CDH10: variants seen among roughly 807,000 people sequenced by gnomAD.
The protein encoded by CDH10 is cadherin 10, also known as cadherin-10.
A neutral mutation model predicts 73.1 loss-of-function variants in CDH10; 30 were observed. That is an observed-to-expected ratio of 0.41 (90% CI 0.31 to 0.56). The LOEUF (loss-of-function observed/expected upper bound fraction) is 0.56. Ranked by LOEUF, CDH10 falls within the 20% of genes least tolerant of loss-of-function variation. The pLI is 0.27. For missense variants in CDH10, 815 were observed against 973.7 expected (o/e 0.84, Z 2.17); for synonymous variants, 345 against 348.2 (o/e 0.99, Z 0.10).
At chr5:24,539,023 T>C (rs1453274527) in intron 2 of CDH10, among the ~76,000 whole-genome samples, 4 of 152,082 alleles carry the variant, frequency 2.6e-5, no homozygotes, top group Non-Finnish European at 1.5e-5. Flanking sequence ...GAAATATTTT[T>C]AAAACTGTAG....
chr5:24,495,551 T>TA (rs1034751085), intron 9 of CDH10, among the ~76,000 whole-genome samples: 4 of 152,120 alleles, frequency 2.6e-5, no homozygotes, highest in Non-Finnish European at 5.9e-5. Flanking sequence ...TTTGTGCTAG[T>TA]AAAATGCACC....
intron 1 of CDH10, among the ~76,000 whole-genome samples, chr5:24,636,366 G>C (rs994999571): frequency 6.6e-6 from 1 of 151,948 alleles, no homozygotes; most frequent in East Asian, 1.9e-4. Context: ...GAGCACTTAC[G>C]TTAGGTTGAT....
intron 7 of CDH10, among the ~76,000 whole-genome samples, chr5:24,506,107 T>C (rs1020962365): frequency 7.4e-6 from 1 of 135,072 alleles, no homozygotes. Flanking sequence ...ACAGCAAGAC[T>C]CCGTCAAAAA....
intron 8 of CDH10, among the ~76,000 whole-genome samples, chr5:24,500,729 C>T (rs907836525): frequency 4.6e-5 from 7 of 152,316 alleles, no homozygotes; most frequent in South Asian, 4.1e-4. Flanking sequence ...GATCAGGACT[C>T]AATATGCGTT....
chr5:24,491,599 A>G lies in CDH10; in HGVS notation c.1853T>C (p.Leu618Pro). Residue 618 changes from leucine (L) to proline (P), a missense_variant, in exon 11 of 12, where the codon CTC becomes CCC. Physicochemically the swap from Leu to Pro is moderately conservative, Grantham distance 98. This residue lies in a region of CDH10 where 241 missense variants were observed against 240.3 expected (regional missense o/e 1.00). Transcript: ENST00000264463. ...ACCCAGTAGAATGATGATGCAGAGGAGGATGGCGATCAAGGCCCCAGTGCT... is the reference window on the plus strand; with the variant it reads ...ACCCAGTAGAATGATGATGCAGAGGGGGATGGCGATCAAGGCCCCAGTGCT... ...GLSTGALIAI[L>P]LCIIILLVIV... The G allele has an allele frequency of 1.9e-6, 3 of 1,613,634 alleles. No individual in the cohort carries two copies. Among genetic ancestry groups the G allele is most frequent in the Non-Finnish European group, 2.5e-6 (3 of 1,179,710 alleles).
At chr5:24,628,223 T>C (rs1349489344) in intron 1 of CDH10, among the ~76,000 whole-genome samples, 2 of 152,224 alleles carry the variant, frequency 1.3e-5, no homozygotes, top group East Asian at 3.9e-4. Flanking sequence ...TCAGTAGTTT[T>C]AGCGGCTACA....
intron 2 of CDH10, among the ~76,000 whole-genome samples, chr5:24,579,341 A>AT (rs1579836030): frequency 1.2e-5 from 1 of 86,836 alleles, no homozygotes; most frequent in Non-Finnish European, 3.3e-5. Flanking sequence ...AGGAAAACAA[A>AT]AATATATATA....
At chr5:24,567,645 G>A (rs989400934) in intron 2 of CDH10, among the ~76,000 whole-genome samples, 2 of 151,942 alleles carry the variant, frequency 1.3e-5, no homozygotes, top group African/African-American at 4.8e-5. Flanking sequence ...ATTGAAATAG[G>A]AAATGGACTG....
intron 2 of CDH10, among the ~76,000 whole-genome samples, chr5:24,568,842 T>C (rs1745257704): frequency 6.6e-6 from 1 of 152,104 alleles, no homozygotes; most frequent in Non-Finnish European, 1.5e-5. Context: ...CCAGGAGCGG[T>C]GGTTCACACT....
intron 2 of CDH10, among the ~76,000 whole-genome samples, chr5:24,540,800 G>A (rs942747864): frequency 2.0e-5 from 3 of 151,820 alleles, no homozygotes; most frequent in African/African-American, 7.2e-5. Flanking sequence ...AGGGCAAAAA[G>A]GACTGTATTT....
At chr5:24,588,147 T>C (rs1023702318) in intron 2 of CDH10, among the ~76,000 whole-genome samples, 1 of 152,214 alleles carries the variant, frequency 6.6e-6, no homozygotes, top group Non-Finnish European at 1.5e-5. Context: ...GGAAGATATT[T>C]ATAATCATTT....
chr5:24,637,700 A>C (rs1354118042), intron 1 of CDH10, among the ~76,000 whole-genome samples: 1 of 151,958 alleles, frequency 6.6e-6, no homozygotes, highest in Non-Finnish European at 1.5e-5. Flanking sequence ...GCTGCAAAAT[A>C]AAAAGTATAA....
intron 2 of CDH10, among the ~76,000 whole-genome samples, chr5:24,563,728 C>G (rs1306358348): frequency 6.9e-6 from 1 of 145,166 alleles, no homozygotes; most frequent in East Asian, 2.0e-4. Flanking sequence ...CGAGATCCTG[C>G]ACTGCACTCC....
chr5:24,559,894 T>C (rs142129247), intron 2 of CDH10, among the ~76,000 whole-genome samples: 287 of 152,284 alleles, frequency 1.9e-3, no homozygotes, highest in Middle Eastern at 0.01. Context: ...GGTTGCTATA[T>C]GGCTTTTGGC....
intron 8 of CDH10, chr5:24,499,328 C>T (rs189664942): frequency 3.9e-5 from 6 of 152,582 alleles, no homozygotes; most frequent in African/African-American, 1.4e-4. Flanking sequence ...AAATAGCATA[C>T]TAATCATACC....
intron 1 of CDH10, among the ~76,000 whole-genome samples, chr5:24,606,472 A>G (rs998579804): frequency 6.6e-5 from 10 of 152,148 alleles, no homozygotes; most frequent in Middle Eastern, 3.4e-3. Context: ...TTAGCCAGGC[A>G]TGGTGGCATG....
At chr5:24,616,175 G>T (rs114445247) in intron 1 of CDH10, among the ~76,000 whole-genome samples, 1,649 of 151,780 alleles carry the variant, frequency 0.011, 31 homozygotes, top group African/African-American at 0.038. Flanking sequence ...TTAGGAAGAG[G>T]TATCTAGCCT....
At chr5:24,630,913 A>C (rs1747682022) in intron 1 of CDH10, among the ~76,000 whole-genome samples, 1 of 152,170 alleles carries the variant, frequency 6.6e-6, no homozygotes, top group South Asian at 2.1e-4. Flanking sequence ...GTTTCATTTA[A>C]TCCTTTCAGC....
intron 11 of CDH10, among the ~76,000 whole-genome samples, chr5:24,489,615 C>A (rs2111623086): frequency 6.6e-6 from 1 of 152,166 alleles, no homozygotes; most frequent in South Asian, 2.1e-4. Flanking sequence ...GCTCCAAGTC[C>A]AAGTTCATTT....
Sources: gnomAD v4.1 joint callset for allele counts (sites outside exome capture counted in the v4.1 genomes callset) on GRCh38, gnomAD v4.1.1 for gene constraint, gnomAD v4.1.1 regional missense constraint, MANE v1.5 for transcripts, NCBI Gene and HGNC (gene_info 2026-07-23, HGNC 2026-07-21) for gene names.